The following MAPRE2 variants were observed in gnomAD, a reference collection of about 807,000 sequenced individuals.
MAPRE2 encodes microtubule-associated protein RP/EB family member 2.
MAPRE2 carries 13 observed loss-of-function variants against 43.2 expected under a neutral mutation model. The observed-to-expected ratio is 0.30, with a 90% confidence interval of 0.20 to 0.48. The LOEUF (loss-of-function observed/expected upper bound fraction) is 0.48. MAPRE2 is among the 20% of genes least tolerant of loss of function. The probability of loss-of-function intolerance (pLI) is 0.99; values close to 1 mark genes in which losing one functional copy is unlikely to be tolerated. For missense variants in MAPRE2, 161 were observed against 400.2 expected, an observed-to-expected ratio of 0.40 and a Z score of 5.10; for synonymous variants, 135 against 148.8, an observed-to-expected ratio of 0.91 and a Z score of 0.68.
intron 2 of MAPRE2, among the ~76,000 whole-genome samples, chr18:35,091,368 C>G (rs1314520480): frequency 1.3e-5 from 2 of 150,692 alleles, no homozygotes; most frequent in African/African-American, 4.9e-5. Context: ...AGACTTGGGT[C>G]CTGTCTCCTA....
intron 5 of MAPRE2, among the ~76,000 whole-genome samples, chr18:35,130,119 G>A: frequency 6.6e-6 from 1 of 151,504 alleles, no homozygotes; most frequent in East Asian, 1.9e-4. Context: ...ATTTTCGTGG[G>A]TTGGATGTGT....
rs1455347692 is a variant in MAPRE2 at position 35,070,318 on chromosome 18, T to C, written c.246T>C (p.Cys82=). The change falls in exon 2 of 7, where the codon TGT becomes TGC. Residue 82 remains cysteine, a synonymous_variant. Coordinates refer to ENST00000300249, the MANE Select transcript of MAPRE2 (RefSeq NM_014268.4). ...SLNYTKVEQL[C]SGAAYCQFMD... ...ACTACACAAAAGTGGAACAGCTTTG[T>C]TCAGGTAAGACATATTCTTTTAAGT... 1.2e-6 allele frequency: 2 copies of C among 1,602,992 alleles called. No homozygotes were observed. The highest frequency in any genetic ancestry group is 1.7e-6 in the Non-Finnish European group (2 of 1,175,712).
At chr18:34,986,758 T>C (rs1053453705) in intron 1 of MAPRE2, among the ~76,000 whole-genome samples, 1 of 152,202 alleles carries the variant, frequency 6.6e-6, no homozygotes, top group Non-Finnish European at 1.5e-5. Flanking sequence ...AATTTGGAGG[T>C]ATGCTTTTCT....
At chr18:35,076,134 C>T (rs1394937466) in intron 2 of MAPRE2, among the ~76,000 whole-genome samples, 1 of 152,212 alleles carries the variant, frequency 6.6e-6, no homozygotes, top group African/African-American at 2.4e-5. Flanking sequence ...CAACCAGCCA[C>T]ATCTTCGTTT....
At chr18:35,067,219 T>C (rs981549409) in intron 1 of MAPRE2, among the ~76,000 whole-genome samples, 6 of 152,216 alleles carry the variant, frequency 3.9e-5, no homozygotes, top group African/African-American at 1.4e-4. Context: ...GATCTGGTGC[T>C]GTTTTCATTG....
chr18:35,107,326 G>T (rs1470692393), intron 4 of MAPRE2, among the ~76,000 whole-genome samples: 1 of 152,158 alleles, frequency 6.6e-6, no homozygotes, highest in Non-Finnish European at 1.5e-5. Flanking sequence ...CAAGAACATT[G>T]TTGAATATTT....
intron 1 of MAPRE2, among the ~76,000 whole-genome samples, chr18:35,045,639 G>T (rs1057151472): frequency 2.0e-5 from 3 of 152,190 alleles, no homozygotes; most frequent in African/African-American, 7.2e-5. Context: ...GTATAAAAGA[G>T]TTGTGAAAGT....
At chr18:35,057,507 C>CGT (rs58171272) in intron 1 of MAPRE2, among the ~76,000 whole-genome samples, 6,647 of 149,302 alleles carry the variant, frequency 0.045, 185 homozygotes, top group African/African-American at 0.083. Context: ...GGAGTGTGTG[C>CGT]GTGTGTGTGT....
chr18:35,120,736 T>A (rs1039360118), intron 4 of MAPRE2, among the ~76,000 whole-genome samples: 6 of 152,108 alleles, frequency 3.9e-5, no homozygotes, highest in African/African-American at 1.4e-4. Flanking sequence ...CTTTTTTTTT[T>A]AACCAAGCTC....
At chr18:34,978,524 C>T (rs1209406188) in intron 1 of MAPRE2, 1 of 1,551,648 alleles carries the variant, frequency 6.4e-7, no homozygotes, top group Admixed American at 2.0e-5. Context: ...TGGAATGAAA[C>T]AGAACAGAGA....
chr18:35,081,815 A>G (rs1402393839), intron 2 of MAPRE2, among the ~76,000 whole-genome samples: 2 of 152,018 alleles, frequency 1.3e-5, no homozygotes, highest in African/African-American at 2.4e-5. Flanking sequence ...TCATACCAGT[A>G]TATTTTACCT....
At chr18:35,001,513 CAA>C (rs57415569) in intron 1 of MAPRE2, among the ~76,000 whole-genome samples, 81,787 of 137,082 alleles carry the variant, frequency 0.6, 23,372 homozygotes, top group Non-Finnish European at 0.66. Context: ...GACTTTGTCT[CAA>C]AAAAAAAAAA....
At chr18:35,100,486 T>C (rs560258169) in intron 3 of MAPRE2, among the ~76,000 whole-genome samples, 1 of 152,190 alleles carries the variant, frequency 6.6e-6, no homozygotes, top group African/African-American at 2.4e-5. Flanking sequence ...AGAGTAGAAA[T>C]CGTTCTACCT....
intron 2 of MAPRE2, among the ~76,000 whole-genome samples, chr18:35,086,756 G>C (rs1907900056): frequency 6.6e-6 from 1 of 151,872 alleles, no homozygotes; most frequent in African/African-American, 2.4e-5. Context: ...GACTTTCTGA[G>C]CCTTGTTCCC....
Position 34,982,514 on chromosome 18 carries a change from A to G in MAPRE2, c.-70+5435A>G, listed in dbSNP as rs147781386. On this transcript the variant is annotated intron_variant, in intron 1 of 7. Transcript: ENST00000413393. Reference sequence around the variant, plus strand: ...TAATTCACCCGCAACCATCTTAAACATTGAAAGAGAATTTATACTCTTTAA... The same window carrying G: ...TAATTCACCCGCAACCATCTTAAACGTTGAAAGAGAATTTATACTCTTTAA... 1.2e-4 allele frequency among the ~76,000 whole-genome samples: 18 copies of G among 152,308 alleles called. No individual in the cohort carries two copies. In the East Asian group the frequency reaches 3.5e-3, roughly 29 times the overall value.
chr18:35,030,567 G>A (rs572868531), intron 2 of MAPRE2, among the ~76,000 whole-genome samples: 8 of 152,256 alleles, frequency 5.3e-5, no homozygotes, highest in Admixed American at 1.3e-4. Flanking sequence ...CCTTTCTTGT[G>A]AGAATAAAGT....
intron 2 of MAPRE2, among the ~76,000 whole-genome samples, chr18:35,019,343 C>A (rs543622913): frequency 2.0e-5 from 3 of 151,830 alleles, no homozygotes; most frequent in Non-Finnish European, 4.4e-5. Context: ...CTATTAGGTC[C>A]AATTGTTGAA....
chr18:34,985,614 A>T (rs866226157), intron 1 of MAPRE2, among the ~76,000 whole-genome samples: 68 of 100,854 alleles, frequency 6.7e-4, no homozygotes, highest in East Asian at 2.1e-3. Flanking sequence ...GATATATTAT[A>T]ATAATATATA....
At chr18:35,036,955 AC>A (rs2097050887), upstream of MAPRE2, among the ~76,000 whole-genome samples, 1 of 152,200 alleles carries the variant, frequency 6.6e-6, no homozygotes, top group Non-Finnish European at 1.5e-5. Context: ...GAAAAAGGTT[AC>A]TATTATTATT....
Sources: allele counts gnomAD v4.1 joint callset (sites outside exome capture counted in the v4.1 genomes callset), GRCh38; gene constraint gnomAD v4.1.1; transcripts MANE v1.5; gene names NCBI Gene and HGNC (gene_info 2026-07-23, HGNC 2026-07-21).